The following STAM2 variants were observed in gnomAD, a reference collection of about 807,000 sequenced individuals.
STAM2 encodes signal transducing adaptor molecule 2, also known as signal transducing adapter molecule 2.
Under a neutral mutation model 65.6 loss-of-function variants are expected in STAM2, and 51 were observed. The ratio of observed to expected loss-of-function variants is 0.78; its 90% CI spans 0.62 to 0.98. The LOEUF (loss-of-function observed/expected upper bound fraction) is 0.98, where lower values mean the gene tolerates loss of function less well. Ranked by LOEUF, STAM2 falls within the 50% of genes least tolerant of loss-of-function variation. STAM2 has a pLI of 0.00. For synonymous variants in STAM2, 198 were observed against 208.4 expected (o/e 0.95, Z 0.43); for missense variants, 584 against 617.8 (o/e 0.95, Z 0.58).
At position 152,144,798 on chromosome 2, in the gene STAM2, A is replaced by C. The variant is rs951789132; in HGVS notation, c.517+90T>G. 14 of 1,084,918 alleles carry C rather than the reference A, an allele frequency of 1.3e-5. No homozygotes were observed. In the African/African-American group the frequency reaches 2.2e-4, roughly 17 times the overall value. 67.2% of individuals were successfully genotyped at this position (1,084,918 alleles called of 1,614,324 possible). A position where few individuals can be genotyped will look rare whatever the true frequency, so the allele number is the denominator to read the frequency against. Reference sequence around the variant, plus strand: ...ATGATCTGCCCACTTCGGCCTCCCAAAGTGCTGGGATTACAGGCGTGAGCC... The same window carrying C: ...ATGATCTGCCCACTTCGGCCTCCCACAGTGCTGGGATTACAGGCGTGAGCC... On this transcript the variant is annotated intron_variant, in intron 6 of 13. Transcript: ENST00000263904.
chr2:152,121,826 C>T (rs1006416732), intron 13 of STAM2, among the ~76,000 whole-genome samples: 4 of 151,966 alleles, frequency 2.6e-5, no homozygotes, highest in African/African-American at 9.7e-5. Flanking sequence ...GGGCGGATCA[C>T]GAGGTCAGGA....
chr2:152,163,068 A>G (rs1444681487), intron 1 of STAM2, among the ~76,000 whole-genome samples: 1 of 152,226 alleles, frequency 6.6e-6, no homozygotes, highest in Non-Finnish European at 1.5e-5. Flanking sequence ...TCAAATCACT[A>G]TATTAAACTG....
chr2:152,146,418 T>C (rs539538946), intron 5 of STAM2, among the ~76,000 whole-genome samples: 1 of 152,092 alleles, frequency 6.6e-6, no homozygotes, highest in African/African-American at 2.4e-5. Context: ...ACCCAAGGAA[T>C]AGTATTTTTC....
intron 13 of STAM2, among the ~76,000 whole-genome samples, chr2:152,122,613 A>G (rs1294182212): frequency 6.6e-6 from 1 of 152,146 alleles, no homozygotes; most frequent in East Asian, 1.9e-4. Flanking sequence ...TATTCATATA[A>G]TATCTAAAAT....
At chr2:152,161,513 AAAAC>A (rs1276413336) in intron 1 of STAM2, among the ~76,000 whole-genome samples, 7 of 151,520 alleles carry the variant, frequency 4.6e-5, no homozygotes, top group African/African-American at 7.3e-5. Context: ...AAAAAAAAAA[AAAAC>A]ATTATATATA....
chr2:152,175,210 C>G (rs1339235381), intron 1 of STAM2, among the ~76,000 whole-genome samples: 2 of 152,186 alleles, frequency 1.3e-5, no homozygotes, highest in African/African-American at 4.8e-5. Flanking sequence ...AGCAGGGTCT[C>G]CACTGCTGCA....
intron 7 of STAM2, among the ~76,000 whole-genome samples, 180 bp from the exon 8 acceptor site, chr2:152,135,783 C>T (rs1300904507): frequency 6.6e-6 from 1 of 152,192 alleles, no homozygotes; most frequent in African/African-American, 2.4e-5. Flanking sequence ...CAAATATCCA[C>T]ATCCCTATAT....
chr2:152,169,951 C>T (rs1465594163), intron 1 of STAM2, among the ~76,000 whole-genome samples: 2 of 151,618 alleles, frequency 1.3e-5, no homozygotes, highest in Non-Finnish European at 1.5e-5. Flanking sequence ...GATTCTTCTA[C>T]CTCAGCCTCC....
Position 152,122,076 on chromosome 2 carries a change from A to ATGTG in STAM2, c.1350-1278_1350-1275dup, listed in dbSNP as rs997181475. ...AAAAAAAATATATATATATATATAT[A>ATGTG]TGTGTGTGTGTGTGTGTGTGTGTGT... is the stretch of plus-strand genomic sequence containing the variant. On this transcript the variant is annotated intron_variant, in intron 13 of 13. Coordinates refer to ENST00000263904, the MANE Select transcript of STAM2 (RefSeq NM_005843.6). Among the ~76,000 whole-genome samples, 381 of 103,714 alleles carry ATGTG rather than the reference A, an allele frequency of 3.7e-3. 1 individual carries two copies. The highest frequency in any genetic ancestry group is 0.011 in the African/African-American group (334 of 30,536). 68.0% of individuals were successfully genotyped at this position (103,714 alleles called of 152,430 possible).
Position 152,118,876 on chromosome 2 carries a change from A to G in STAM2, c.*1698T>C, listed in dbSNP as rs527801505. The G allele has an allele frequency of 3.6e-4, 55 of 152,274 alleles. No homozygotes were observed. The highest frequency in any genetic ancestry group is 1.2e-3 in the African/African-American group (49 of 41,576). 9.4% of individuals were successfully genotyped at this position (152,274 alleles called of 1,614,324 possible). A position where few individuals can be genotyped will look rare whatever the true frequency, so the allele number is the denominator to read the frequency against. On this transcript the variant is annotated 3_prime_UTR_variant, in exon 14 of 14. Coordinates refer to ENST00000263904, the MANE Select transcript of STAM2 (RefSeq NM_005843.6). ...CTTTCTGTTCAGTTATTTGTATCTG[A>G]AGTTAAGACAATGACATAAACTGAG...
rs1354866394 is a variant in STAM2, at chr2:152,117,389, C to T, written c.*3185G>A. ...TGCCAGGTTGGTCTCAAACTCCTAG[C>T]CTCAAGCAATACTCCTATCTCAGGC... On this transcript the variant is annotated 3_prime_UTR_variant, in exon 14 of 14. Transcript: ENST00000263904. The T allele has an allele frequency of 6.6e-6, 1 of 152,098 alleles. No individual in the cohort carries two copies. Among genetic ancestry groups the T allele is most frequent in the East Asian group, 1.9e-4 (1 of 5,190 alleles). 9.4% of individuals were successfully genotyped at this position (152,098 alleles called of 1,614,324 possible). A position where few individuals can be genotyped will look rare whatever the true frequency, so the allele number is the denominator to read the frequency against.
chr2:152,148,687 A>T (rs1689381549), intron 2 of STAM2, among the ~76,000 whole-genome samples: 1 of 152,170 alleles, frequency 6.6e-6, no homozygotes, highest in Non-Finnish European at 1.5e-5. Context: ...AATAAAAATA[A>T]ACTAAACTAA....
At position 152,148,078 on chromosome 2, in the gene STAM2, T is replaced by C; in HGVS notation, c.246A>G (p.Leu82=). The C allele has an allele frequency of 6.2e-7, 1 of 1,611,254 alleles. No homozygotes were observed. ...CVANCGKIFH[L]EVCSRDFATE... ...TTGCAAAATCACGGGAACATACTTC[T>C]AAATGAAATATCTTTCCACAGTTTG... Residue 82 remains leucine, a synonymous_variant, in exon 4 of 14, where the codon TTA becomes TTG. Coordinates refer to ENST00000263904, the MANE Select transcript of STAM2 (RefSeq NM_005843.6).
chr2:152,158,915 A>G (rs886628700), intron 1 of STAM2, among the ~76,000 whole-genome samples: 2 of 151,460 alleles, frequency 1.3e-5, no homozygotes, highest in African/African-American at 4.9e-5. Context: ...CCCATCCCCC[A>G]ATACTGTTGC....
chr2:152,169,410 C>A (rs777719143), intron 1 of STAM2, among the ~76,000 whole-genome samples: 8 of 151,808 alleles, frequency 5.3e-5, no homozygotes, highest in Non-Finnish European at 1.0e-4. Context: ...CCGAGTAGCT[C>A]GGACTACAGG....
rs746552889 is a variant in STAM2, at chr2:152,151,196, T to TC, written c.41-968dup. 3.4e-3 allele frequency among the ~76,000 whole-genome samples: 503 copies of TC among 149,088 alleles called. 4 individuals carry two copies. Among genetic ancestry groups the TC allele is most frequent in the African/African-American group, 0.012 (464 of 39,998 alleles). ...ATGAGTTCTTTTTTTTTTTTTTTTT[T>TC]CGACAGTGTCTTGCTCTGTTGCCCA... On this transcript the variant is annotated intron_variant, in intron 1 of 13. Coordinates refer to ENST00000263904, the MANE Select transcript of STAM2 (RefSeq NM_005843.6).
At chr2:152,163,063 T>C (rs1330712707) in intron 1 of STAM2, among the ~76,000 whole-genome samples, 1 of 152,208 alleles carries the variant, frequency 6.6e-6, no homozygotes, top group Non-Finnish European at 1.5e-5. Context: ...CAGGTTCAAA[T>C]CACTATATTA....
intron 11 of STAM2, 146 bp downstream of exon 11, chr2:152,131,968 T>C (rs577014936): frequency 6.2e-5 from 36 of 582,882 alleles, no homozygotes; most frequent in African/African-American, 5.3e-4. Context: ...ACCACCTTGC[T>C]ATAAATTTGT....
chr2:152,120,829 C>G (rs1481824443), intron 13 of STAM2, 27 bp from the exon 14 acceptor site: 3 of 1,562,666 alleles, frequency 1.9e-6, no homozygotes, highest in Non-Finnish European at 2.6e-6. Context: ...AAAAAGAAAA[C>G]CATATTTACT....
Sources: gnomAD v4.1 joint callset for allele counts (sites outside exome capture counted in the v4.1 genomes callset) on GRCh38, gnomAD v4.1.1 for gene constraint, MANE v1.5 for transcripts, NCBI Gene and HGNC (gene_info 2026-07-23, HGNC 2026-07-21) for gene names.